Variants in PPM1H observed in about 807,000 individuals in gnomAD.
The protein encoded by PPM1H is protein phosphatase, Mg2+/Mn2+ dependent 1H.
A neutral mutation model predicts 54.9 loss-of-function variants in PPM1H; 27 were observed. That is an observed-to-expected ratio of 0.49 (90% CI 0.36 to 0.68). The LOEUF (loss-of-function observed/expected upper bound fraction) is 0.68. Ranked by LOEUF, PPM1H falls within the 30% of genes least tolerant of loss-of-function variation. PPM1H has a pLI of 0.00. For missense variants in PPM1H, 596 were observed against 667.8 expected, an observed-to-expected ratio of 0.89 and a Z score of 1.19; for synonymous variants, 305 against 270.8, an observed-to-expected ratio of 1.13 and a Z score of -1.24.
At chr12:62,848,635 C>A (rs1368639521) in intron 1 of PPM1H, among the ~76,000 whole-genome samples, 1 of 152,184 alleles carries the variant, frequency 6.6e-6, no homozygotes, top group African/African-American at 2.4e-5. Context: ...TTTGGGTTTA[C>A]TGATGATGAC....
At chr12:62,862,681 AAG>A (rs1470577549) in intron 1 of PPM1H, among the ~76,000 whole-genome samples, 1 of 152,218 alleles carries the variant, frequency 6.6e-6, no homozygotes, top group African/African-American at 2.4e-5. Flanking sequence ...AGAAGTAGCA[AAG>A]AGAGGCAGCA....
intron 4 of PPM1H, among the ~76,000 whole-genome samples, chr12:62,754,073 AC>A (rs1383383620): frequency 6.6e-6 from 1 of 152,214 alleles, no homozygotes; most frequent in African/African-American, 2.4e-5. Flanking sequence ...AAATCCTCTG[AC>A]TTCAATGGAT....
Position 62,686,800 on chromosome 12 carries a change from T to C in PPM1H, c.1245+2899A>G, listed in dbSNP as rs75387101. ...TGTATCTTCCATGCCCAACATTTAC[T>C]AGAGTTTTCTCTTTCAGTGGCTTCT... On this transcript the variant is annotated intron_variant, in intron 8 of 9. Coordinates refer to ENST00000228705, the MANE Select transcript of PPM1H (RefSeq NM_020700.2). 1.9e-3 allele frequency among the ~76,000 whole-genome samples: 296 copies of C among 152,354 alleles called. 2 individuals are homozygous for C. Among genetic ancestry groups the C allele is most frequent in the African/African-American group, 6.7e-3 (279 of 41,580 alleles).
At chr12:62,817,640 G>A (rs2120800200) in intron 2 of PPM1H, among the ~76,000 whole-genome samples, 1 of 152,278 alleles carries the variant, frequency 6.6e-6, no homozygotes, top group South Asian at 2.1e-4. Context: ...CCTGATGAGG[G>A]CGAAATATTC....
intron 1 of PPM1H, among the ~76,000 whole-genome samples, chr12:62,915,192 C>A (rs1428338658): frequency 6.6e-6 from 1 of 152,228 alleles, no homozygotes; most frequent in Non-Finnish European, 1.5e-5. Context: ...TTAGTGCCTT[C>A]TGGACTCTTA....
In PPM1H at chr12:62,801,845, C is replaced by T; in HGVS notation, c.727G>A (p.Gly243Arg). 3 of 1,613,860 alleles carry T rather than the reference C, an allele frequency of 1.9e-6. No individual in the cohort carries two copies. The highest frequency in any genetic ancestry group is 1.1e-5 in the South Asian group (1 of 91,078). ...TCCTTGAATGCACTTTCAAGCGCTC[C>T]GATGACCAGGCACTCATGGGGAATC... ...KKIPHECLVI[G>R]ALESAFKEMD... Residue 243 changes from glycine to arginine, a missense_variant, in exon 3 of 10, where the codon GGA (glycine) becomes AGA (arginine). Gly to Arg is a moderately radical substitution (Grantham distance 125). Around this residue, in one of 3 missense-constraint regions of PPM1H, gnomAD observed 382 missense variants for 387.1 expected, o/e 0.99. Coordinates refer to ENST00000228705, the MANE Select transcript of PPM1H (RefSeq NM_020700.2).
At chr12:62,734,573 A>C (rs756152878) in intron 5 of PPM1H, among the ~76,000 whole-genome samples, 10 of 152,350 alleles carry the variant, frequency 6.6e-5, no homozygotes, top group Non-Finnish European at 1.3e-4. Flanking sequence ...GACATTTGGG[A>C]ATCTGAAAAT....
chr12:62,932,099 T>A lies in PPM1H; in HGVS notation c.245+2393A>T, dbSNP rs572584391. On this transcript the variant is annotated intron_variant, in intron 1 of 9. Transcript: ENST00000228705. The stretch of plus-strand genomic sequence containing the variant: ...GGGGCTGACTTTTTTTTTTTTTTTT[T>A]AAATAGGTCTTTGCTTGAATTATCA... 3.0e-3 allele frequency among the ~76,000 whole-genome samples: 452 copies of A among 149,304 alleles called. 1 individual carries two copies. The highest frequency in any genetic ancestry group is 9.5e-3 in the African/African-American group (384 of 40,602).
chr12:62,687,230 A>G (rs1476167540), intron 8 of PPM1H, among the ~76,000 whole-genome samples: 1 of 152,172 alleles, frequency 6.6e-6, no homozygotes, highest in Non-Finnish European at 1.5e-5. Flanking sequence ...CTGTTCAATC[A>G]TTCTGCTCAT....
intron 2 of PPM1H, among the ~76,000 whole-genome samples, chr12:62,816,295 A>G (rs2076866200): frequency 6.6e-6 from 1 of 152,238 alleles, no homozygotes; most frequent in African/African-American, 2.4e-5. Flanking sequence ...ATTTATGCAC[A>G]TATTACAGTT....
intron 5 of PPM1H, among the ~76,000 whole-genome samples, chr12:62,733,997 AT>A (rs1195189846): frequency 6.6e-6 from 1 of 152,138 alleles, no homozygotes; most frequent in African/African-American, 2.4e-5. Flanking sequence ...TTGAAGCCAA[AT>A]CCCCAGTGTG....
chr12:62,816,010 C>T (rs951699964), intron 2 of PPM1H, among the ~76,000 whole-genome samples: 12 of 152,016 alleles, frequency 7.9e-5, no homozygotes, highest in African/African-American at 2.7e-4. Flanking sequence ...TAACTAACTC[C>T]CATATCAAAA....
intron 9 of PPM1H, chr12:62,659,025 C>A: frequency 2.8e-6 from 2 of 725,242 alleles, no homozygotes; most frequent in Non-Finnish European, 5.1e-6. Flanking sequence ...ACAGCACATG[C>A]TGCCCAGTGG....
At chr12:62,663,257 T>G (rs1275157015) in intron 9 of PPM1H, among the ~76,000 whole-genome samples, 1 of 152,152 alleles carries the variant, frequency 6.6e-6, no homozygotes, top group Non-Finnish European at 1.5e-5. Context: ...CCTGCATGGT[T>G]TGTTAAAACA....
At chr12:62,868,422 G>A (rs1251634742) in intron 1 of PPM1H, among the ~76,000 whole-genome samples, 1 of 152,164 alleles carries the variant, frequency 6.6e-6, no homozygotes, top group Non-Finnish European at 1.5e-5. Flanking sequence ...TGCTCTGGCA[G>A]TGAAGAACCT....
chr12:62,797,170 T>C (rs140861653), intron 3 of PPM1H, among the ~76,000 whole-genome samples: 5 of 152,284 alleles, frequency 3.3e-5, no homozygotes, highest in African/African-American at 1.2e-4. Flanking sequence ...TTCCACATTG[T>C]TGAGCTCTTA....
intron 1 of PPM1H, among the ~76,000 whole-genome samples, chr12:62,884,823 G>A (rs1000985368): frequency 5.9e-5 from 9 of 152,070 alleles, no homozygotes; most frequent in African/African-American, 1.9e-4. Flanking sequence ...TTAAGGTGTC[G>A]GCACATCAAG....
In PPM1H at chr12:62,736,237, G is replaced by A. The variant is rs547316874; in HGVS notation, c.954+1265C>T. The stretch of plus-strand genomic sequence containing the variant: ...TATCGTCCAGCTCTCCATTTCACAA[G>A]TGATAAACCGAGGTCAGGAAAGGTT... On this transcript the variant is annotated intron_variant, in intron 5 of 9. Coordinates refer to ENST00000228705, the MANE Select transcript of PPM1H (RefSeq NM_020700.2). Among the ~76,000 whole-genome samples, 5 of 152,308 alleles carry A rather than the reference G, an allele frequency of 3.3e-5. No homozygotes were observed. The South Asian group carries it at 8.3e-4, about 25-fold the overall frequency.
chr12:62,698,996 G>A (rs1012650872), intron 6 of PPM1H, among the ~76,000 whole-genome samples: 5 of 152,086 alleles, frequency 3.3e-5, no homozygotes, highest in Admixed American at 6.6e-5. Context: ...TTGATAAGCA[G>A]CCCTGCCATC....
Sources: allele counts gnomAD v4.1 joint callset (sites outside exome capture counted in the v4.1 genomes callset), GRCh38; gene constraint gnomAD v4.1.1; regional missense constraint gnomAD v4.1.1; transcripts MANE v1.5; gene names NCBI Gene and HGNC (gene_info 2026-07-23, HGNC 2026-07-21).